The following NF2 variants were observed in gnomAD, a reference collection of about 807,000 sequenced individuals.
The protein encoded by NF2 is merlin.
In NF2, 8 loss-of-function variants were observed where a neutral mutation model predicts 83.7. The ratio of observed to expected loss-of-function variants is 0.10; its 90% confidence interval spans 0.06 to 0.17. The LOEUF (loss-of-function observed/expected upper bound fraction) is 0.17, where lower values mean the gene tolerates loss of function less well. Among genes scored for constraint, NF2 ranks in the 10% least tolerant of loss-of-function variants. The pLI is 1.00. For missense variants in NF2, 533 were observed against 744.4 expected, an observed-to-expected ratio of 0.72 and a Z score of 3.31; for synonymous variants, 266 against 269.6, an observed-to-expected ratio of 0.99 and a Z score of 0.13.
intron 1 of NF2, among the ~76,000 whole-genome samples, chr22:29,623,001 A>G (rs1601553002): frequency 9.0e-6 from 1 of 111,212 alleles, no homozygotes; most frequent in Admixed American, 1.3e-4. Flanking sequence ...CTCAGACTGG[A>G]GTGCAGTGGT....
chr22:29,685,994 T>C (rs1250516223), intron 15 of NF2, among the ~76,000 whole-genome samples: 1 of 152,100 alleles, frequency 6.6e-6, no homozygotes, highest in Non-Finnish European at 1.5e-5. Context: ...CTAGGGTACA[T>C]GTGCACAACG....
intron 8 of NF2, among the ~76,000 whole-genome samples, chr22:29,662,819 T>C (rs1871585476): frequency 6.6e-6 from 1 of 152,188 alleles, no homozygotes; most frequent in Admixed American, 6.5e-5. Context: ...GGCTGAGTCC[T>C]GAGAGCACAG....
chr22:29,679,423 C>T (rs553789932), intron 14 of NF2, among the ~76,000 whole-genome samples: 1 of 152,352 alleles, frequency 6.6e-6, no homozygotes, highest in African/African-American at 2.4e-5. Flanking sequence ...TCACCATTAT[C>T]CAGACATATA....
intron 6 of NF2, 142 bp downstream of exon 6, chr22:29,655,818 G>T: frequency 1.4e-6 from 1 of 713,774 alleles, no homozygotes. Flanking sequence ...GAGCTGGGGA[G>T]CTGGGAGTAA....
rs140360588 is a variant in NF2 at position 29,636,674 on chromosome 22, G to A, written c.115-77G>A. ...GTCATCCCCACGTTTTGGAACCTGA[G>A]AGTGGAGAGTGCAGAGAAAAGGTTT... On this transcript the variant is annotated intron_variant, in intron 1 of 15. Transcript: ENST00000338641. The surrounding 1 kb of genome is among the most constrained non-coding windows in gnomAD (Gnocchi z 4.4). 6.9e-6 allele frequency: 11 copies of A among 1,595,912 alleles called. No homozygotes were observed. In the African/African-American group the frequency reaches 1.5e-4, roughly 21 times the overall value.
At chr22:29,670,346 A>T (rs562781998) in intron 10 of NF2, among the ~76,000 whole-genome samples, 17 of 151,534 alleles carry the variant, frequency 1.1e-4, no homozygotes, top group South Asian at 2.1e-4. Flanking sequence ...CTTTTTTTTT[A>T]AAAGAATTGT....
intron 11 of NF2, 144 bp downstream of exon 11, chr22:29,672,092 T>C (rs1286567695): frequency 5.6e-6 from 7 of 1,249,980 alleles, no homozygotes; most frequent in Non-Finnish European, 6.7e-6. Context: ...GTGCCTTTTC[T>C]TTTCACCTGT....
chr22:29,658,302 C>CA, intron 7 of NF2, 38 bp downstream of exon 7: 1 of 1,573,154 alleles, frequency 6.4e-7, no homozygotes, highest in Non-Finnish European at 8.8e-7. Flanking sequence ...GTGTAGTAGA[C>CA]AGAGACTGAG....
chr22:29,694,367 AGCAGCCTCAGCTGGT>A lies in NF2; in HGVS notation c.1738-382_1738-368del, dbSNP rs1402484173. ...TGCCCTGCCAAGCCCGGAGGGGATG[AGCAGCCTCAGCTGGT>A]GCCGCCACAGACAGCACACCACAGA... On this transcript the variant is annotated intron_variant, in intron 15 of 15. Transcript: ENST00000338641. This position sits in a 1 kb window ranked among gnomAD's most constrained non-coding sequence, Gnocchi z 4.1. Among the ~76,000 whole-genome samples the A allele has an allele frequency of 1.3e-5, 2 of 152,214 alleles. No homozygotes were observed. Among genetic ancestry groups the A allele is most frequent in the Non-Finnish European group, 2.9e-5 (2 of 68,044 alleles).
At chr22:29,692,808 C>G (rs548261767) in intron 15 of NF2, among the ~76,000 whole-genome samples, 7 of 152,212 alleles carry the variant, frequency 4.6e-5, no homozygotes, top group Non-Finnish European at 8.8e-5. Context: ...TGCCGAGTTC[C>G]CACCATGCGC....
chr22:29,676,187 A>G (rs2066958952), intron 13 of NF2, among the ~76,000 whole-genome samples: 1 of 150,578 alleles, frequency 6.6e-6, no homozygotes, highest in Non-Finnish European at 1.5e-5. Flanking sequence ...TTTTTTTTAG[A>G]GAGAGAGAGT....
rs2146658922 is a variant in NF2, at chr22:29,603,955, T to G, written c.-44T>G. Reference sequence around the variant, plus strand: ...TCCAGGGGGGCTAAAGGGCTCAGAGTGCAGGCCGTGGGGCGCGAGGGTCCC... The same window carrying G: ...TCCAGGGGGGCTAAAGGGCTCAGAGGGCAGGCCGTGGGGCGCGAGGGTCCC... On this transcript the variant is annotated 5_prime_UTR_variant, in exon 1 of 16. Coordinates refer to ENST00000338641, the MANE Select transcript of NF2 (RefSeq NM_000268.4). 6.9e-7 allele frequency: 1 copy of G among 1,444,376 alleles called. No homozygotes were observed. The highest frequency in any genetic ancestry group is 1.2e-5 in the South Asian group (1 of 82,260). 89.5% of individuals were successfully genotyped at this position (1,444,376 alleles called of 1,614,324 possible). A position where few individuals can be genotyped will look rare whatever the true frequency, so the allele number is the denominator to read the frequency against.
chr22:29,678,368 CTGAG>C, intron 14 of NF2, 45 bp downstream of exon 14: 1 of 1,609,130 alleles, frequency 6.2e-7, no homozygotes, highest in Non-Finnish European at 8.5e-7. Flanking sequence ...GTGAACTAGA[CTGAG>C]TGATTGGGGC....
Position 29,603,946 on chromosome 22 carries a change from G to A in NF2, c.-53G>A, listed in dbSNP as rs2064709549. On this transcript the variant is annotated 5_prime_UTR_variant, in exon 1 of 16. Transcript: ENST00000338641. ...TGCAGCAACTCCAGGGGGGCTAAAGGGCTCAGAGTGCAGGCCGTGGGGCGC... is the reference window on the plus strand; with the variant it reads ...TGCAGCAACTCCAGGGGGGCTAAAGAGCTCAGAGTGCAGGCCGTGGGGCGC... The A allele has an allele frequency of 7.2e-7, 1 of 1,392,592 alleles. No individual in the cohort carries two copies. The highest frequency in any genetic ancestry group is 2.0e-5 in the Admixed American group (1 of 50,676). The allele number at this position is 1,392,592 out of a possible 1,614,324, so 86.3% of individuals were successfully genotyped here.
chr22:29,689,579 G>C (rs1312866558), intron 15 of NF2, among the ~76,000 whole-genome samples: 1 of 152,106 alleles, frequency 6.6e-6, no homozygotes, highest in Non-Finnish European at 1.5e-5. Context: ...GTTCAGTACT[G>C]TGAGTCTTAT....
At chr22:29,666,661 A>G (rs912985251) in intron 9 of NF2, among the ~76,000 whole-genome samples, 1 of 151,978 alleles carries the variant, frequency 6.6e-6, no homozygotes, top group Non-Finnish European at 1.5e-5. Context: ...AAAAAAATGA[A>G]AATAAATAAA....
Position 29,636,220 on chromosome 22 carries a change from C to G in NF2, c.115-531C>G, listed in dbSNP as rs1374754731. On this transcript the variant is annotated intron_variant, in intron 1 of 15. Coordinates refer to ENST00000338641, the MANE Select transcript of NF2 (RefSeq NM_000268.4). The surrounding 1 kb of genome is among the most constrained non-coding windows in gnomAD (Gnocchi z 4.4). ...CAGGACAGACCTGTGATTGGACTGT[C>G]TGGTCTCTCATGGTTCTTTTTCTCC... Among the ~76,000 whole-genome samples, 1 of 152,028 alleles carries G rather than the reference C, an allele frequency of 6.6e-6. No homozygotes were observed. The highest frequency in any genetic ancestry group is 1.9e-4 in the East Asian group (1 of 5,194).
At chr22:29,634,802 A>G (rs1042572887) in intron 1 of NF2, among the ~76,000 whole-genome samples, 1 of 152,182 alleles carries the variant, frequency 6.6e-6, no homozygotes, top group Non-Finnish European at 1.5e-5. Flanking sequence ...AGGAATTAAA[A>G]CTTTTGGTGA....
At chr22:29,652,227 T>C (rs1205386805) in intron 4 of NF2, among the ~76,000 whole-genome samples, 2 of 152,188 alleles carry the variant, frequency 1.3e-5, no homozygotes, top group Admixed American at 6.5e-5. Context: ...ATTTGACAAA[T>C]GAAAGACAGA....
Sources: allele counts gnomAD v4.1 joint callset (sites outside exome capture counted in the v4.1 genomes callset), GRCh38; gene constraint gnomAD v4.1.1; non-coding constraint Gnocchi (gnomAD v3.1); transcripts MANE v1.5; gene names NCBI Gene and HGNC (gene_info 2026-07-23, HGNC 2026-07-21).